The following CRLS1 variants were observed in gnomAD, a reference collection of about 807,000 sequenced individuals.
CRLS1 encodes the protein cardiolipin synthase 1, also known as cardiolipin synthase (CMP-forming).
In CRLS1, 24 loss-of-function variants were observed where a neutral mutation model predicts 37.0. That is an observed-to-expected ratio of 0.65 (90% CI 0.47 to 0.91). CRLS1 has a LOEUF of 0.91. CRLS1 is among the 40% of genes least tolerant of loss of function. The probability of loss-of-function intolerance (pLI) is 0.00; values close to 1 mark genes in which losing one functional copy is unlikely to be tolerated. For missense variants in CRLS1, 373 were observed against 395.8 expected (o/e 0.94, Z 0.49); for synonymous variants, 135 against 159.7 (o/e 0.85, Z 1.17).
intron 2 of CRLS1, among the ~76,000 whole-genome samples, chr20:6,014,996 G>T (rs892900196): frequency 6.6e-6 from 1 of 152,098 alleles, no homozygotes; most frequent in African/African-American, 2.4e-5. Context: ...TCCAGGCTCT[G>T]CCGTTCATGC....
At chr20:6,019,688 A>G (rs1201133091) in intron 3 of CRLS1, among the ~76,000 whole-genome samples, 1 of 120,292 alleles carries the variant, frequency 8.3e-6, no homozygotes, top group East Asian at 2.4e-4. Context: ...CTTTTTCGAA[A>G]TTCTTTTTTT....
At chr20:6,015,808 G>C (rs1469822969) in intron 3 of CRLS1, 1 of 271,414 alleles carries the variant, frequency 3.7e-6, no homozygotes, top group Non-Finnish European at 7.3e-6. Context: ...TTAGTGCCTA[G>C]CTTTTCAAAA....
Position 6,035,541 on chromosome 20 carries a change from AT to A in CRLS1, c.821+996del, listed in dbSNP as rs11395674. On this transcript the variant is annotated intron_variant, in intron 6 of 6. Coordinates refer to ENST00000378863, the MANE Select transcript of CRLS1 (RefSeq NM_019095.6). ...AGGAACCCATGAAGAGAGAGACAGT[AT>A]TTTTTTTTTAATCAAGTCACCTTTA... is the stretch of plus-strand genomic sequence containing the variant. Among the ~76,000 whole-genome samples the A allele has an allele frequency of 4.3e-3, 645 of 150,546 alleles. 6 individuals are homozygous for A. The highest frequency in any genetic ancestry group is 0.014 in the African/African-American group (569 of 41,072).
intron 3 of CRLS1, among the ~76,000 whole-genome samples, chr20:6,022,041 T>A (rs1338842989): frequency 6.6e-6 from 1 of 152,216 alleles, no homozygotes; most frequent in Non-Finnish European, 1.5e-5. Context: ...CATTTAAATT[T>A]ATCTTCATAT....
chr20:6,034,589 T>C (rs1270955986), intron 6 of CRLS1, 34 bp downstream of exon 6: 1 of 1,433,882 alleles, frequency 7.0e-7, no homozygotes, highest in South Asian at 1.2e-5. Context: ...TCTTAGAATG[T>C]CAACAGAATG....
At chr20:6,009,415 ATTCTTTTTTT>A (rs2090102757) in intron 1 of CRLS1, among the ~76,000 whole-genome samples, 1 of 151,768 alleles carries the variant, frequency 6.6e-6, no homozygotes, top group African/African-American at 2.4e-5. Context: ...CATCTTTTGT[ATTCTTTTTTT>A]TTCTTTTTTT....
intron 6 of CRLS1, among the ~76,000 whole-genome samples, chr20:6,035,846 C>A (rs1290123158): frequency 6.6e-6 from 1 of 151,628 alleles, no homozygotes; most frequent in Non-Finnish European, 1.5e-5. Flanking sequence ...GCTCTGTTGC[C>A]CAGGCTGGAG....
intron 2 of CRLS1, 61 bp from the exon 3 acceptor site, chr20:6,015,300 G>C (rs1382742326): frequency 8.9e-7 from 1 of 1,126,908 alleles, no homozygotes. Context: ...TTAAGCTTCA[G>C]AATATCTGCT....
chr20:6,011,576 T>C (rs1440866999), intron 2 of CRLS1, among the ~76,000 whole-genome samples: 25 of 60,106 alleles, frequency 4.2e-4, no homozygotes, highest in African/African-American at 2.3e-3. Context: ...TCCCTGCTTT[T>C]TTTTTTTTTT....
At chr20:6,032,422 C>T (rs1182852464) in intron 5 of CRLS1, among the ~76,000 whole-genome samples, 2 of 145,126 alleles carry the variant, frequency 1.4e-5, no homozygotes, top group African/African-American at 5.2e-5. Context: ...TGGTATGGAA[C>T]TCCTGGCTTC....
chr20:6,032,211 G>A (rs1600389280), intron 5 of CRLS1, 131 bp downstream of exon 5: 12 of 665,688 alleles, frequency 1.8e-5, no homozygotes, highest in South Asian at 1.3e-4. Context: ...AGAGAGTAGC[G>A]TTGGGCAGGC....
At position 6,015,338 on chromosome 20, in the gene CRLS1, T is replaced by TA. The variant is rs199865968; in HGVS notation, c.445-14dup. The TA allele has an allele frequency of 2.3e-3, 3,318 of 1,464,276 alleles. 5 individuals are homozygous for TA. The highest frequency in any genetic ancestry group is 3.2e-3 in the Admixed American group (153 of 48,342). The allele number at this position is 1,464,276 out of a possible 1,614,324, so 90.7% of individuals were successfully genotyped here. On this transcript the variant is annotated intron_variant, in intron 2 of 6. Coordinates refer to ENST00000378863, the MANE Select transcript of CRLS1 (RefSeq NM_019095.6). ...GTTCCTGTTATGACATTTATATATA[T>TA]AAAAAAAAACTTCTATTTTCAGTTG... is the stretch of plus-strand genomic sequence containing the variant.
rs547390983 is a variant in CRLS1 at position 6,009,402 on chromosome 20, C to A, written c.307-373C>A. On this transcript the variant is annotated intron_variant, in intron 1 of 6. Coordinates refer to ENST00000378863, the MANE Select transcript of CRLS1 (RefSeq NM_019095.6). ...CCCTGTGTTTCGGTACATGATACAT[C>A]TTCATCTTTTGTATTCTTTTTTTTT... Among the ~76,000 whole-genome samples the A allele has an allele frequency of 1.6e-4, 25 of 151,578 alleles. 1 individual carries two copies. In the South Asian group the frequency reaches 5.0e-3, roughly 30 times the overall value.
intron 3 of CRLS1, among the ~76,000 whole-genome samples, chr20:6,021,618 A>G (rs1979294854): frequency 6.6e-6 from 1 of 152,144 alleles, no homozygotes; most frequent in Admixed American, 6.5e-5. Context: ...ATTTATGTAA[A>G]TATATATGTA....
At position 6,037,202 on chromosome 20, in the gene CRLS1, A is replaced by G. The variant is rs374959224; in HGVS notation, c.*44A>G. On this transcript the variant is annotated 3_prime_UTR_variant, in exon 7 of 7. Transcript: ENST00000378863. ...GTTAGTAAGGAAGCAGTATACATCA[A>G]TGGGAACAGGGCCCATGGAAATGTA... 5 of 1,415,290 alleles carry G rather than the reference A, an allele frequency of 3.5e-6. No homozygotes were observed. Among genetic ancestry groups the G allele is most frequent in the Admixed American group, 1.7e-5 (1 of 58,962 alleles). The allele number at this position is 1,415,290 out of a possible 1,614,324, so 87.7% of individuals were successfully genotyped here.
chr20:6,022,182 C>G (rs879937583), intron 3 of CRLS1, among the ~76,000 whole-genome samples: 2 of 151,994 alleles, frequency 1.3e-5, no homozygotes, highest in Admixed American at 6.6e-5. Context: ...TTCTTTTTCT[C>G]TGAAAATGTT....
chr20:6,014,152 T>G (rs367697248), intron 2 of CRLS1, among the ~76,000 whole-genome samples: 2 of 152,238 alleles, frequency 1.3e-5, no homozygotes, highest in African/African-American at 4.8e-5. Context: ...GAACAAGTAT[T>G]AATCACATTG....
intron 3 of CRLS1, among the ~76,000 whole-genome samples, chr20:6,020,149 T>C (rs1979138638): frequency 6.6e-6 from 1 of 152,192 alleles, no homozygotes; most frequent in Non-Finnish European, 1.5e-5. Context: ...TTAATGAGAA[T>C]TTTTTTCCTA....
intron 1 of CRLS1, chr20:6,007,524 C>T: frequency 9.9e-7 from 1 of 1,009,290 alleles, no homozygotes; most frequent in South Asian, 1.4e-5. Context: ...CTATGTGGAG[C>T]TAAAAAGAAC....
Sources: gnomAD v4.1 joint callset for allele counts (sites outside exome capture counted in the v4.1 genomes callset) on GRCh38, gnomAD v4.1.1 for gene constraint, MANE v1.5 for transcripts, NCBI Gene and HGNC (gene_info 2026-07-23, HGNC 2026-07-21) for gene names.